The following FAAH2 variants were observed in gnomAD, a reference collection of about 807,000 sequenced individuals.
FAAH2 encodes fatty acid amide hydrolase 2, also known as fatty-acid amide hydrolase 2.
In FAAH2, 60 loss-of-function variants were observed where a neutral mutation model predicts 36.9. That is an observed-to-expected ratio of 1.63 (90% CI 1.32 to 2.02). The LOEUF is 2.02. Ranked by LOEUF, FAAH2 falls within the 30% of genes most tolerant of loss-of-function variation. The pLI is 0.00. For missense variants in FAAH2, 689 were observed against 397.5 expected (o/e 1.73, Z -6.23); for synonymous variants, 214 against 143.8 (o/e 1.49, Z -3.49).
chrX:57,255,812 C>A, the FAAH2 span, among the ~76,000 whole-genome samples: 6 of 111,553 alleles, frequency 5.4e-5, no homozygotes. Flanking sequence ...AACCCACAAC[C>A]GATATCATAT....
the FAAH2 span, among the ~76,000 whole-genome samples, chrX:57,256,604 C>A: frequency 1.3e-4 from 14 of 111,610 alleles, no homozygotes; most frequent in African/African-American, 4.6e-4. Flanking sequence ...AGAAGAAAAC[C>A]TAGGCAATAC....
At chrX:57,477,370 A>G (rs943437690) in intron 10 of FAAH2, among the ~76,000 whole-genome samples, 1 of 111,488 alleles carries the variant, frequency 9.0e-6, no homozygotes, top group African/African-American at 3.2e-5. Flanking sequence ...ACAGCTTTTA[A>G]TAATCATATA....
At chrX:57,321,299 G>A (rs61526704) in intron 3 of FAAH2, among the ~76,000 whole-genome samples, 1 of 109,194 alleles carries the variant, frequency 9.2e-6, no homozygotes, top group Non-Finnish European at 1.9e-5. Flanking sequence ...ACAGGGAGGG[G>A]ACCATCACAC....
At chrX:57,275,934 A>G in the FAAH2 span, among the ~76,000 whole-genome samples, 44 of 111,599 alleles carry the variant, frequency 3.9e-4, no homozygotes, top group Non-Finnish European at 1.9e-4. Flanking sequence ...AAGTCCTTAG[A>G]TACCTACAAA....
chrX:57,331,483 C>T, intron 3 of FAAH2, 115 bp from the exon 4 acceptor site: 2 of 570,961 alleles, frequency 3.5e-6, no homozygotes, highest in Non-Finnish European at 5.6e-6. Context: ...AATGCCCCAA[C>T]CCTTTGTGGG....
rs190812574 is a variant in FAAH2, at chrX:57,346,107, G to T, written c.742+4717G>T. Among the ~76,000 whole-genome samples the T allele has an allele frequency of 1.9e-3, 212 of 110,717 alleles. 1 individual carries two copies. The highest frequency in any genetic ancestry group is 2.0e-3 in the Non-Finnish European group (108 of 52,791). ...GAGAAATATATATTCCATGATTGTT[G>T]GGTGGACTATTTTGCAGATGTCTAT... On this transcript the variant is annotated intron_variant, in intron 5 of 10. Transcript: ENST00000374900.
At chrX:57,140,948 G>A in the FAAH2 span, among the ~76,000 whole-genome samples, 1 of 111,733 alleles carries the variant, frequency 8.9e-6, no homozygotes, top group Admixed American at 9.5e-5. Context: ...TATGTAAAAA[G>A]CCCACACATG....
intron 5 of FAAH2, among the ~76,000 whole-genome samples, chrX:57,348,574 G>A (rs779413094): frequency 3.5e-4 from 39 of 111,101 alleles, no homozygotes; most frequent in East Asian, 8.7e-4. Flanking sequence ...CACTGTGACC[G>A]CTGAAGCCTG....
intron 5 of FAAH2, among the ~76,000 whole-genome samples, chrX:57,372,069 C>G (rs1233471093): frequency 1.1e-5 from 1 of 88,263 alleles, no homozygotes; most frequent in African/African-American, 3.4e-5. Flanking sequence ...TATTTTGAAT[C>G]TATGTCTTTT....
chrX:57,313,650 G>A (rs746843842), intron 3 of FAAH2, among the ~76,000 whole-genome samples: 13 of 109,782 alleles, frequency 1.2e-4, no homozygotes, highest in South Asian at 8.0e-4. Context: ...TCATTTCCTC[G>A]CAAATAAGCT....
At chrX:57,393,101 G>A (rs1047769760) in intron 7 of FAAH2, 125 of 951,298 alleles carry the variant, frequency 1.3e-4, no homozygotes, top group Middle Eastern at 2.7e-4. Context: ...GCACTTCACG[G>A]CATCAAAAGC....
the FAAH2 span, among the ~76,000 whole-genome samples, chrX:57,145,665 G>A: frequency 8.9e-6 from 1 of 111,826 alleles, no homozygotes; most frequent in Non-Finnish European, 1.9e-5. Flanking sequence ...CTCCAATGTT[G>A]TCTTCTATAA....
At chrX:57,151,986 C>T in the FAAH2 span, among the ~76,000 whole-genome samples, 3 of 111,941 alleles carry the variant, frequency 2.7e-5, no homozygotes, top group Admixed American at 1.9e-4. Context: ...AGACAGGACC[C>T]TGAGGCCTGT....
At chrX:57,146,323 T>C in the FAAH2 span, among the ~76,000 whole-genome samples, 1 of 111,452 alleles carries the variant, frequency 9.0e-6, no homozygotes. Context: ...ATTTACTTTG[T>C]GGCAATTGTG....
the FAAH2 span, among the ~76,000 whole-genome samples, chrX:57,133,793 T>C: frequency 8.9e-6 from 1 of 112,209 alleles, no homozygotes; most frequent in Non-Finnish European, 1.9e-5. Context: ...TGGTATTTGT[T>C]GGACTGAATT....
intron 7 of FAAH2, chrX:57,393,574 C>T (rs1325682694): frequency 3.2e-5 from 29 of 918,865 alleles, no homozygotes; most frequent in Non-Finnish European, 4.3e-5. Flanking sequence ...CCAATCTCTG[C>T]ATGAGATTGG....
At chrX:57,403,286 C>T (rs1221945462) in intron 7 of FAAH2, among the ~76,000 whole-genome samples, 1 of 112,370 alleles carries the variant, frequency 8.9e-6, no homozygotes, top group Admixed American at 9.4e-5. Flanking sequence ...GGTCCTAATG[C>T]TTATTCCTTT....
At chrX:57,266,998 T>C in the FAAH2 span, among the ~76,000 whole-genome samples, 1 of 112,046 alleles carries the variant, frequency 8.9e-6, no homozygotes, top group African/African-American at 3.2e-5. Context: ...CTCCTTGGTC[T>C]GCTGGCCTCC....
At chrX:57,188,046 G>C in the FAAH2 span, among the ~76,000 whole-genome samples, 2 of 111,590 alleles carry the variant, frequency 1.8e-5, no homozygotes, top group Non-Finnish European at 3.8e-5. Context: ...GTCTCTGCCA[G>C]GTTTTGATAT....
Sources: allele counts gnomAD v4.1 joint callset (sites outside exome capture counted in the v4.1 genomes callset), GRCh38; gene constraint gnomAD v4.1.1; transcripts MANE v1.5; gene names NCBI Gene and HGNC (gene_info 2026-07-23, HGNC 2026-07-21).